The following VWC2L variants were observed in gnomAD, a reference collection of about 807,000 sequenced individuals.
VWC2L encodes von Willebrand factor C domain-containing protein 2-like.
VWC2L carries 10 observed loss-of-function variants against 21.6 expected under a neutral mutation model. That is an observed-to-expected ratio of 0.46 (90% confidence interval 0.29 to 0.78). VWC2L has a LOEUF of 0.78. Ranked by LOEUF, VWC2L falls within the 30% of genes least tolerant of loss-of-function variation. VWC2L has a pLI of 0.10. For synonymous variants in VWC2L, 96 were observed against 94.3 expected, an observed-to-expected ratio of 1.02 and a Z score of -0.10; for missense variants, 209 against 277.1, an observed-to-expected ratio of 0.75 and a Z score of 1.74.
chr2:214,480,453 G>T (rs1688586330), intron 3 of VWC2L, among the ~76,000 whole-genome samples: 1 of 152,148 alleles, frequency 6.6e-6, no homozygotes, highest in South Asian at 2.1e-4. Flanking sequence ...TAAAATGAAA[G>T]GAGATATGTT....
chr2:214,459,939 C>T (rs1374180713), intron 3 of VWC2L, among the ~76,000 whole-genome samples: 4 of 106,954 alleles, frequency 3.7e-5, no homozygotes, highest in African/African-American at 1.5e-4. Flanking sequence ...TGGAGTTTCA[C>T]TCTTGTCACC....
In VWC2L at chr2:214,411,806, T is replaced by G. The variant is rs1025830201; in HGVS notation, c.-81+20T>G. On this transcript the variant is annotated intron_variant, in intron 1 of 3. Coordinates refer to ENST00000312504, the MANE Select transcript of VWC2L (RefSeq NM_001080500.4). The stretch of plus-strand genomic sequence containing the variant: ...GATTAGGTAAGTGTATCTTATGACA[T>G]GAATTATGTTTGTTTTCTCAAAGAA... 2 of 152,172 alleles carry G rather than the reference T, an allele frequency of 1.3e-5. No individual in the cohort carries two copies. The highest frequency in any genetic ancestry group is 1.9e-4 in the East Asian group (1 of 5,200). 9.4% of individuals were successfully genotyped at this position (152,172 alleles called of 1,614,324 possible). A position where few individuals can be genotyped will look rare whatever the true frequency, so the allele number is the denominator to read the frequency against.
At chr2:214,494,289 T>C (rs561430542) in intron 3 of VWC2L, among the ~76,000 whole-genome samples, 1 of 152,284 alleles carries the variant, frequency 6.6e-6, no homozygotes, top group South Asian at 2.1e-4. Flanking sequence ...TTTACTCTCA[T>C]AGACATGAGT....
intron 2 of VWC2L, among the ~76,000 whole-genome samples, chr2:214,433,804 G>A (rs573260492): frequency 2.2e-4 from 34 of 152,208 alleles, no homozygotes; most frequent in African/African-American, 7.9e-4. Context: ...CAATAGTGCC[G>A]GAATTGTAAG....
intron 3 of VWC2L, among the ~76,000 whole-genome samples, chr2:214,541,125 G>A (rs1192094767): frequency 1.3e-5 from 2 of 152,130 alleles, no homozygotes; most frequent in Non-Finnish European, 2.9e-5. Context: ...GGCACAAAAT[G>A]GTAGGATGCT....
chr2:214,536,332 G>A (rs1394632172), intron 3 of VWC2L, among the ~76,000 whole-genome samples: 2 of 152,004 alleles, frequency 1.3e-5, no homozygotes, highest in African/African-American at 4.8e-5. Context: ...AAACTTAGGT[G>A]GACCAGCAGA....
chr2:214,505,859 C>A (rs536618763), intron 3 of VWC2L, among the ~76,000 whole-genome samples: 2 of 152,068 alleles, frequency 1.3e-5, no homozygotes, highest in Non-Finnish European at 2.9e-5. Context: ...TTAACATGAT[C>A]CAAGCTCCAA....
At chr2:214,462,691 T>G (rs1467354822) in intron 3 of VWC2L, among the ~76,000 whole-genome samples, 2 of 152,194 alleles carry the variant, frequency 1.3e-5, no homozygotes, top group Non-Finnish European at 1.5e-5. Flanking sequence ...ACTTTGGGTT[T>G]AATTTCCTCT....
chr2:214,488,904 A>G (rs1574593209), intron 3 of VWC2L, among the ~76,000 whole-genome samples: 2 of 151,988 alleles, frequency 1.3e-5, no homozygotes. Context: ...ACTCACTGCC[A>G]CCCTCGGGGA....
rs551215766 is a variant in VWC2L, at chr2:214,554,511, A to G, written c.521-21161A>G. Among the ~76,000 whole-genome samples the G allele has an allele frequency of 3.4e-4, 52 of 152,130 alleles. No individual in the cohort carries two copies. The East Asian group carries it at 0.01, about 29-fold the overall frequency. ...AAACCCCATCTCCACTAAAAATACA[A>G]AATTAGCCGGGTGTGGTGGTGCATG... On this transcript the variant is annotated intron_variant, in intron 3 of 3. Transcript: ENST00000312504.
intron 3 of VWC2L, among the ~76,000 whole-genome samples, chr2:214,483,895 CA>C (rs1425546439): frequency 6.6e-6 from 1 of 152,068 alleles, no homozygotes; most frequent in Non-Finnish European, 1.5e-5. Context: ...GGCTTGAAAC[CA>C]CAGAACATTT....
chr2:214,546,317 T>G (rs773512874), intron 3 of VWC2L, among the ~76,000 whole-genome samples: 22 of 152,168 alleles, frequency 1.4e-4, no homozygotes, highest in Non-Finnish European at 3.1e-4. Context: ...ATATGCTCAT[T>G]GTGTTCATTT....
intron 3 of VWC2L, chr2:214,510,158 C>G (rs1689031469): frequency 6.6e-6 from 1 of 152,046 alleles, no homozygotes; most frequent in Admixed American, 6.6e-5. Flanking sequence ...AATCAGAAAG[C>G]CAGTTGATAC....
intron 3 of VWC2L, among the ~76,000 whole-genome samples, chr2:214,524,162 G>T (rs1295482325): frequency 6.6e-6 from 1 of 151,916 alleles, no homozygotes; most frequent in African/African-American, 2.4e-5. Context: ...TATGTACTTT[G>T]CTACCTAACA....
chr2:214,453,186 A>G (rs1374115695), intron 3 of VWC2L, among the ~76,000 whole-genome samples: 1 of 152,196 alleles, frequency 6.6e-6, no homozygotes, highest in Admixed American at 6.5e-5. Flanking sequence ...TCCTATTAAT[A>G]GAAGTATTTT....
chr2:214,465,743 C>G (rs1372865364), intron 3 of VWC2L, among the ~76,000 whole-genome samples: 1 of 152,082 alleles, frequency 6.6e-6, no homozygotes, highest in African/African-American at 2.4e-5. Flanking sequence ...TATTTAGGAC[C>G]CCTAAGCACT....
At chr2:214,467,184 C>T (rs1293916559) in intron 3 of VWC2L, among the ~76,000 whole-genome samples, 1 of 152,204 alleles carries the variant, frequency 6.6e-6, no homozygotes, top group Non-Finnish European at 1.5e-5. Flanking sequence ...CTCTTTTAAT[C>T]ATAAGGCTTT....
chr2:214,509,111 AC>A (rs1490542504), intron 3 of VWC2L, among the ~76,000 whole-genome samples: 1 of 151,910 alleles, frequency 6.6e-6, no homozygotes, highest in Non-Finnish European at 1.5e-5. Flanking sequence ...CCAGATGCAC[AC>A]AGGCTTGAGC....
intron 3 of VWC2L, among the ~76,000 whole-genome samples, chr2:214,534,449 G>A (rs922929800): frequency 1.3e-5 from 2 of 152,042 alleles, no homozygotes; most frequent in African/African-American, 4.8e-5. Context: ...TTGTTTGCAA[G>A]CACCTTCCAC....
Sources: allele counts gnomAD v4.1 joint callset (sites outside exome capture counted in the v4.1 genomes callset), GRCh38; gene constraint gnomAD v4.1.1; transcripts MANE v1.5; gene names NCBI Gene and HGNC (gene_info 2026-07-23, HGNC 2026-07-21).